MDN1: variants seen among roughly 807,000 people sequenced by gnomAD.
The protein encoded by MDN1 is midasin AAA ATPase 1.
In MDN1, 266 loss-of-function variants were observed where a neutral mutation model predicts 669.2. That is an observed-to-expected ratio of 0.40 (90% confidence interval 0.36 to 0.44). The LOEUF (loss-of-function observed/expected upper bound fraction) is 0.44, where lower values mean the gene tolerates loss of function less well. MDN1 is among the 20% of genes least tolerant of loss of function. MDN1 has a pLI of 1.00. For missense variants in MDN1, 5,940 were observed against 6,754.0 expected (o/e 0.88, Z 4.22); for synonymous variants, 2,385 against 2,457.1 (o/e 0.97, Z 0.87).
chr6:89,748,584 C>T (rs1816785230), intron 26 of MDN1, among the ~76,000 whole-genome samples: 1 of 152,016 alleles, frequency 6.6e-6, no homozygotes, highest in Non-Finnish European at 1.5e-5. Flanking sequence ...GGACTATATC[C>T]ATTTAAAAAC....
rs760329454 is a variant in MDN1, at chr6:89,738,358, G to A, written c.4691C>T (p.Pro1564Leu). 23 of 1,613,848 alleles carry A rather than the reference G, an allele frequency of 1.4e-5. No homozygotes were observed. The highest frequency in any genetic ancestry group is 1.9e-5 in the Non-Finnish European group (22 of 1,179,942). The change falls in exon 33 of 102, where the codon CCA (proline) becomes CTA (leucine). Residue 1564 changes from proline to leucine, a missense_variant. Around this residue, in one of 5 missense-constraint regions of MDN1, gnomAD observed 2,292 missense variants for 2,638.3 expected, o/e 0.87. Coordinates refer to ENST00000369393, the MANE Select transcript of MDN1 (RefSeq NM_014611.3). ...LIQIISHNLR[P>L]GLCLGRIDPK... The stretch of plus-strand genomic sequence containing the variant: ...ATCTATTCTGCCCAGACACAATCCT[G>A]GACGAAGATTATGACTGATGATCTG...
At chr6:89,747,513 A>T (rs1562174354) in intron 26 of MDN1, 43 bp from the exon 27 acceptor site, 1 of 1,587,526 alleles carries the variant, frequency 6.3e-7, no homozygotes, top group African/African-American at 1.4e-5. Flanking sequence ...ATCAGCTGCA[A>T]TGCATGGTAA....
rs139134448 is a variant in MDN1 at position 89,712,595 on chromosome 6, C to T, written c.7410G>A (p.Met2470Ile). The stretch of plus-strand genomic sequence containing the variant: ...CTGACCTTGTCCAGCTGCTGGTTTT[C>T]ATGCTCATCCTGTTGAGACAATATA... ...ILVYCLNRMS[M>I]KTSSWTRSQP... is the part of the protein sequence containing the mutation. Residue 2470 changes from methionine (M) to isoleucine (I), a missense_variant, in exon 48 of 102, where the codon ATG (methionine) becomes ATA (isoleucine). Met to Ile is a conservative substitution (Grantham distance 10). Around this residue, in one of 5 missense-constraint regions of MDN1, gnomAD observed 2,292 missense variants for 2,638.3 expected, o/e 0.87. Coordinates refer to ENST00000369393, the MANE Select transcript of MDN1 (RefSeq NM_014611.3). 2 of 1,614,082 alleles carry T rather than the reference C, an allele frequency of 1.2e-6. No individual in the cohort carries two copies. The highest frequency in any genetic ancestry group is 1.7e-6 in the Non-Finnish European group (2 of 1,180,002).
At chr6:89,753,706 C>A (rs1817079352) in intron 21 of MDN1, 84 bp from the exon 22 acceptor site, 1 of 1,112,432 alleles carries the variant, frequency 9.0e-7, no homozygotes. Context: ...AATTTAACCT[C>A]TTGGGTGATG....
At position 89,698,916 on chromosome 6, in the gene MDN1, A is replaced by G; in HGVS notation, c.9117T>C (p.Pro3039=). 1 of 1,614,148 alleles carries G rather than the reference A, an allele frequency of 6.2e-7. No homozygotes were observed. Among genetic ancestry groups the G allele is most frequent in the Middle Eastern group, 1.7e-4 (1 of 6,060 alleles). The change falls in exon 59 of 102, where the codon CCT becomes CCC. Residue 3039 remains proline (P), a synonymous_variant. Coordinates refer to ENST00000369393, the MANE Select transcript of MDN1 (RefSeq NM_014611.3). ...PEYWLMWNPL[P]GMQQREAPKS... ...TGGGTGCCTCCCTCTGCTGCATACCAGGCAAAGGGTTCCACATTAGCCAGT... is the reference window on the plus strand; with the variant it reads ...TGGGTGCCTCCCTCTGCTGCATACCGGGCAAAGGGTTCCACATTAGCCAGT...
At chr6:89,741,959 G>C (rs1340971725) in intron 31 of MDN1, among the ~76,000 whole-genome samples, 1 of 151,766 alleles carries the variant, frequency 6.6e-6, no homozygotes, top group Non-Finnish European at 1.5e-5. Flanking sequence ...AAATTAGCTG[G>C]GAGTGGTGAC....
At chr6:89,708,733 A>G in intron 50 of MDN1, 105 bp from the exon 51 acceptor site, 1 of 1,248,418 alleles carries the variant, frequency 8.0e-7, no homozygotes, top group Non-Finnish European at 1.1e-6. Flanking sequence ...AGCACATTGA[A>G]TCATGATGGG....
chr6:89,690,730 C>G lies in MDN1; in HGVS notation c.10692G>C (p.Leu3564=), dbSNP rs1287235175. ...CCCGTTCTTCCTCCTCCTCTTCACT[C>G]AGGGCTGTCCTAGAGTTCCTGCTCC... ...RYRSRNSRTA[L]SEEEEEEREF... is the part of the protein sequence containing the mutation. Residue 3564 remains leucine (L), a synonymous_variant, in exon 64 of 102, where the codon CTG becomes CTC. Transcript: ENST00000369393. 3 of 1,614,002 alleles carry G rather than the reference C, an allele frequency of 1.9e-6. No homozygotes were observed. Among genetic ancestry groups the G allele is most frequent in the African/African-American group, 2.7e-5 (2 of 74,898 alleles).
intron 33 of MDN1, among the ~76,000 whole-genome samples, chr6:89,734,691 A>AAAAAACGAGAGAG (rs1554188774): frequency 8.8e-6 from 1 of 112,996 alleles, no homozygotes; most frequent in Non-Finnish European, 1.7e-5. Context: ...AAAAAAAAAC[A>AAAAAACGAGAGAG]AGAGAGAGAG....
chr6:89,674,700 A>G, intron 78 of MDN1, 111 bp from the exon 79 acceptor site: 2 of 1,405,224 alleles, frequency 1.4e-6, no homozygotes, highest in East Asian at 2.3e-5. Context: ...TTTTTCATAC[A>G]GTCAAGAAGG....
At chr6:89,717,361 G>C (rs1245243596) in intron 43 of MDN1, among the ~76,000 whole-genome samples, 1 of 152,152 alleles carries the variant, frequency 6.6e-6, no homozygotes, top group Non-Finnish European at 1.5e-5. Flanking sequence ...AAAGATGAGG[G>C]AGTAACGAGG....
At position 89,729,017 on chromosome 6, in the gene MDN1, G is replaced by A; in HGVS notation, c.5263C>T (p.Pro1755Ser). 1 of 1,614,106 alleles carries A rather than the reference G, an allele frequency of 6.2e-7. No individual in the cohort carries two copies. Among genetic ancestry groups the A allele is most frequent in the South Asian group, 1.1e-5 (1 of 91,082 alleles). The change falls in exon 36 of 102, where the codon CCT (proline) becomes TCT (serine). Residue 1755 changes from proline to serine, a missense_variant. Coordinates refer to ENST00000369393, the MANE Select transcript of MDN1 (RefSeq NM_014611.3). The stretch of plus-strand genomic sequence containing the variant: ...ACCAAACTTGTCTTGCCAACACCAG[G>A]GGAACCCTCCAGGAGAATGGGCTTC... Reference protein sequence around the residue: ...LKKPILLEGSPGVGKTSLVGA... With the variant: ...LKKPILLEGSSGVGKTSLVGA...
At chr6:89,797,459 C>T (rs1347700152) in intron 2 of MDN1, 2 of 186,924 alleles carry the variant, frequency 1.1e-5, no homozygotes, top group Non-Finnish European at 1.1e-5. Flanking sequence ...TTCTTGTGGT[C>T]GGCGGCTGTG....
intron 1 of MDN1, among the ~76,000 whole-genome samples, chr6:89,809,215 C>CAAAAAAAA (rs1167270500): frequency 8.4e-5 from 5 of 59,292 alleles, no homozygotes; most frequent in Non-Finnish European, 1.2e-4. Context: ...GACACTGTCT[C>CAAAAAAAA]AAAAAAAAAA....
chr6:89,687,278 TTTAAACTAC>T (rs1271828779), intron 68 of MDN1, 57 bp downstream of exon 68: 2 of 1,444,574 alleles, frequency 1.4e-6, no homozygotes, highest in Non-Finnish European at 1.9e-6. Flanking sequence ...CCTAAAGAAA[TTTAAACTAC>T]CAAAAGACAA....
At chr6:89,664,678 G>C (rs1433670449) in intron 84 of MDN1, 50 bp from the exon 85 acceptor site, 2 of 1,460,396 alleles carry the variant, frequency 1.4e-6, no homozygotes, top group Non-Finnish European at 1.9e-6. Context: ...ACCAATGTTT[G>C]CTTCAGCTGT....
Position 89,727,920 on chromosome 6 carries a change from A to C in MDN1, c.5385T>G (p.Val1795=), listed in dbSNP as rs1245058374. The C allele has an allele frequency of 2.5e-6, 4 of 1,613,890 alleles. No individual in the cohort carries two copies. The African/African-American group carries it at 5.3e-5, about 22-fold the overall frequency. The part of the protein sequence containing the change: ...ITDLFGADLP[V]EGGKGGEFAW... ...CAAACTCTCCTCCCTTGCCACCTTCAACAGGTAGATCTGCTCCAAACAGGT... is the reference window on the plus strand; with the variant it reads ...CAAACTCTCCTCCCTTGCCACCTTCCACAGGTAGATCTGCTCCAAACAGGT... Residue 1795 remains valine (V), a synonymous_variant, in exon 37 of 102, where the codon GTT becomes GTG. Transcript: ENST00000369393.
At chr6:89,779,541 C>T (rs1314682448) in intron 11 of MDN1, among the ~76,000 whole-genome samples, 4 of 152,120 alleles carry the variant, frequency 2.6e-5, no homozygotes, top group Non-Finnish European at 5.9e-5. Context: ...GTAGAGGGAT[C>T]GGATAGTTAC....
chr6:89,698,482 TA>T (rs76735785), intron 59 of MDN1, among the ~76,000 whole-genome samples: 5,279 of 152,326 alleles, frequency 0.035, 126 homozygotes, highest in South Asian at 0.13. Flanking sequence ...TATGTGTACT[TA>T]ATTCTTGTTT....
Sources: gnomAD v4.1 joint callset for allele counts (sites outside exome capture counted in the v4.1 genomes callset) on GRCh38, gnomAD v4.1.1 for gene constraint, gnomAD v4.1.1 regional missense constraint, MANE v1.5 for transcripts, NCBI Gene and HGNC (gene_info 2026-07-23, HGNC 2026-07-21) for gene names.